The following GRM7 variants were observed in gnomAD, a reference collection of about 807,000 sequenced individuals.
The protein encoded by GRM7 is glutamate metabotropic receptor 7.
GRM7 carries 35 observed loss-of-function variants against 84.5 expected under a neutral mutation model. The ratio of observed to expected loss-of-function variants is 0.41; its 90% CI spans 0.32 to 0.55. The LOEUF is 0.55. Ranked by LOEUF, GRM7 falls within the 20% of genes least tolerant of loss-of-function variation. The probability of loss-of-function intolerance (pLI) is 0.19; values close to 1 mark genes in which losing one functional copy is unlikely to be tolerated. For missense variants in GRM7, 1,003 were observed against 1,194.6 expected, an observed-to-expected ratio of 0.84 and a Z score of 2.36; for synonymous variants, 487 against 455.1, an observed-to-expected ratio of 1.07 and a Z score of -0.89.
intron 4 of GRM7, among the ~76,000 whole-genome samples, chr3:7,367,019 A>T (rs937733055): frequency 8.6e-5 from 13 of 151,790 alleles, no homozygotes; most frequent in Non-Finnish European, 1.8e-4. Context: ...TTCTTGTAGG[A>T]ATATAATAAA....
At chr3:7,076,108 G>A (rs1043335163) in intron 1 of GRM7, among the ~76,000 whole-genome samples, 1 of 152,090 alleles carries the variant, frequency 6.6e-6, no homozygotes, top group Non-Finnish European at 1.5e-5. Context: ...CTGGGCATGG[G>A]GAGAGTGCAA....
intron 4 of GRM7, among the ~76,000 whole-genome samples, chr3:7,335,213 T>C (rs1204423045): frequency 6.6e-6 from 1 of 152,092 alleles, no homozygotes; most frequent in East Asian, 1.9e-4. Flanking sequence ...TATCAAGTAC[T>C]CTCTCAGACC....
rs146037344 is a variant in GRM7, at chr3:7,506,456, C to T, written c.1515+44734C>T. On this transcript the variant is annotated intron_variant, in intron 7 of 9. Coordinates refer to ENST00000357716, the MANE Select transcript of GRM7 (RefSeq NM_000844.4). Reference sequence around the variant, plus strand: ...AAATTCTTCCAGCTTCTGCCCATTACCCAGTTCCAAAGCCATGTCCACATT... The same window carrying T: ...AAATTCTTCCAGCTTCTGCCCATTATCCAGTTCCAAAGCCATGTCCACATT... Among the ~76,000 whole-genome samples, 604 of 152,270 alleles carry T rather than the reference C, an allele frequency of 4.0e-3. 4 individuals carry two copies. The highest frequency in any genetic ancestry group is 6.8e-3 in the Non-Finnish European group (461 of 68,010).
Position 7,020,277 on chromosome 3 carries a change from T to G in GRM7, c.520-126175T>G, listed in dbSNP as rs1436706256. The stretch of plus-strand genomic sequence containing the variant: ...CTGAAAAGCCTGTATACTGTATGAT[T>G]CCAACTATGTGACATTCTGGAAAAG... On this transcript the variant is annotated intron_variant, in intron 1 of 9. Transcript: ENST00000357716. Among the ~76,000 whole-genome samples, 3 of 152,234 alleles carry G rather than the reference T, an allele frequency of 2.0e-5. No homozygotes were observed. The South Asian group carries it at 6.2e-4, about 31-fold the overall frequency.
intron 4 of GRM7, among the ~76,000 whole-genome samples, chr3:7,342,685 G>A (rs1692696895): frequency 6.6e-6 from 1 of 152,130 alleles, no homozygotes; most frequent in Admixed American, 6.6e-5. Flanking sequence ...AACATATCTG[G>A]TCTGGGGTCA....
At chr3:7,080,829 A>C (rs1405812657) in intron 1 of GRM7, among the ~76,000 whole-genome samples, 1 of 152,018 alleles carries the variant, frequency 6.6e-6, no homozygotes, top group Non-Finnish European at 1.5e-5. Flanking sequence ...CTTTTTAAAA[A>C]AATCATTCTT....
intron 4 of GRM7, chr3:7,403,061 G>A (rs1234965496): frequency 3.5e-6 from 1 of 282,512 alleles, no homozygotes; most frequent in East Asian, 9.3e-5. Context: ...AAATGAAGAT[G>A]GTAACCAGGC....
intron 8 of GRM7, among the ~76,000 whole-genome samples, chr3:7,639,282 A>G (rs956278406): frequency 1.3e-5 from 2 of 152,230 alleles, no homozygotes; most frequent in African/African-American, 4.8e-5. Context: ...CTGTGGACAC[A>G]GTGTGGCCAG....
intron 2 of GRM7, among the ~76,000 whole-genome samples, chr3:7,201,561 G>A (rs968612597): frequency 6.6e-6 from 1 of 152,112 alleles, no homozygotes; most frequent in Non-Finnish European, 1.5e-5. Flanking sequence ...TGATAGTAAT[G>A]GCCATTGCTA....
rs116836751 is a variant in GRM7 at position 7,282,604 on chromosome 3, T to C, written c.737-16080T>C. On this transcript the variant is annotated intron_variant, in intron 2 of 9. Transcript: ENST00000357716. ...TTTGTCATGTAAGGTAACACACTTA[T>C]AGATTCTGAGGAGTAAGGAGTGGGC... Among the ~76,000 whole-genome samples the C allele has an allele frequency of 1.2e-3, 177 of 152,328 alleles. 1 individual carries two copies. Among genetic ancestry groups the C allele is most frequent in the African/African-American group, 3.5e-3 (144 of 41,576 alleles).
At chr3:7,007,906 C>T (rs1452715098) in intron 1 of GRM7, among the ~76,000 whole-genome samples, 1 of 152,132 alleles carries the variant, frequency 6.6e-6, no homozygotes, top group African/African-American at 2.4e-5. Flanking sequence ...ACACCAGGGA[C>T]ATTTGGTTCT....
intron 2 of GRM7, among the ~76,000 whole-genome samples, chr3:7,239,877 T>A (rs1212536368): frequency 6.6e-6 from 1 of 152,216 alleles, no homozygotes; most frequent in Non-Finnish European, 1.5e-5. Context: ...AATCAGAGAA[T>A]CACACACTGT....
At chr3:7,158,140 T>G (rs1345013451) in intron 2 of GRM7, among the ~76,000 whole-genome samples, 1 of 152,176 alleles carries the variant, frequency 6.6e-6, no homozygotes. Flanking sequence ...CTTCATTTTT[T>G]CTGAGATATG....
intron 5 of GRM7, among the ~76,000 whole-genome samples, chr3:7,425,884 T>C (rs757792965): frequency 3.3e-5 from 5 of 152,194 alleles, no homozygotes; most frequent in African/African-American, 1.2e-4. Flanking sequence ...GGACTTCTAA[T>C]GTCTGCCTGT....
At chr3:7,113,066 G>T (rs1574920594) in intron 1 of GRM7, among the ~76,000 whole-genome samples, 1 of 152,252 alleles carries the variant, frequency 6.6e-6, no homozygotes, top group East Asian at 1.9e-4. Flanking sequence ...GGGAAAAAAA[G>T]TGATTGAGAA....
At chr3:7,408,003 T>C (rs1364102325) in intron 4 of GRM7, among the ~76,000 whole-genome samples, 2 of 152,158 alleles carry the variant, frequency 1.3e-5, no homozygotes, top group African/African-American at 2.4e-5. Context: ...GCACATCCGA[T>C]AGTTAGAACA....
rs538455912 is a variant in GRM7, at chr3:6,904,506, T to C, written c.519+42599T>C. ...ATATAAGACAGTGCAATATAAGTTG[T>C]ATCGTTAGGTTAGGATTCAGCTCTG... On this transcript the variant is annotated intron_variant, in intron 1 of 9. Transcript: ENST00000357716. Among the ~76,000 whole-genome samples, 9 of 152,224 alleles carry C rather than the reference T, an allele frequency of 5.9e-5. No individual in the cohort carries two copies. In the South Asian group the frequency reaches 1.5e-3, roughly 25 times the overall value.
chr3:7,584,895 A>G (rs1248629864), intron 8 of GRM7, among the ~76,000 whole-genome samples: 1 of 152,142 alleles, frequency 6.6e-6, no homozygotes, highest in South Asian at 2.1e-4. Flanking sequence ...AATCTATTTT[A>G]TCAACAACAA....
intron 8 of GRM7, among the ~76,000 whole-genome samples, chr3:7,600,159 C>T (rs1696246972): frequency 6.6e-6 from 1 of 151,730 alleles, no homozygotes. Flanking sequence ...TTTTATGTTT[C>T]TTATTGTTTT....
Sources: allele counts gnomAD v4.1 joint callset (sites outside exome capture counted in the v4.1 genomes callset), GRCh38; gene constraint gnomAD v4.1.1; transcripts MANE v1.5; gene names NCBI Gene and HGNC (gene_info 2026-07-23, HGNC 2026-07-21).